SHTN1: variants seen among roughly 807,000 people sequenced by gnomAD.
SHTN1 encodes shootin 1.
A neutral mutation model predicts 83.1 loss-of-function variants in SHTN1; 42 were observed. The observed-to-expected ratio is 0.51, with a 90% CI of 0.39 to 0.65. SHTN1 has a LOEUF of 0.65. SHTN1 is among the 30% of genes least tolerant of loss of function. The pLI, the probability that SHTN1 is intolerant of heterozygous loss-of-function variation, is 0.00. For synonymous variants in SHTN1, 224 were observed against 247.7 expected (o/e 0.90, Z 0.90); for missense variants, 622 against 737.8 (o/e 0.84, Z 1.82).
At chr10:116,986,716 CTTTTTTTTTTT>C (rs869306412) in intron 1 of SHTN1, among the ~76,000 whole-genome samples, 1 of 75,884 alleles carries the variant, frequency 1.3e-5, no homozygotes, top group African/African-American at 5.4e-5. Context: ...ACCCAGTATC[CTTTTTTTTTTT>C]TTTTTTTTTT....
Position 117,112,412 on chromosome 10 carries a change from A to G in SHTN1, c.-189+13895T>C, listed in dbSNP as rs576965979. Among the ~76,000 whole-genome samples the G allele has an allele frequency of 2.0e-5, 3 of 152,112 alleles. No individual in the cohort carries two copies. The South Asian group carries it at 6.2e-4, about 32-fold the overall frequency. On this transcript the variant is annotated intron_variant, in intron 1 of 17. Coordinates refer to the SHTN1 transcript ENST00000392901. ...TCACATATTAAAGCCTTTTCCTCCC[A>G]CCACCAATAGAGGGCCTGGCCTGCT...
At chr10:117,033,950 G>A (rs1291351100) in intron 2 of SHTN1, among the ~76,000 whole-genome samples, 1 of 152,100 alleles carries the variant, frequency 6.6e-6, no homozygotes, top group Admixed American at 6.5e-5. Flanking sequence ...AATTGATGCT[G>A]AAAAAGCATT....
At chr10:116,922,403 A>T (rs906699433) in intron 11 of SHTN1, among the ~76,000 whole-genome samples, 2 of 151,998 alleles carry the variant, frequency 1.3e-5, no homozygotes, top group Non-Finnish European at 2.9e-5. Context: ...AACTCTTTGT[A>T]ATTATCTAGT....
chr10:116,960,381 C>T, intron 3 of SHTN1, 151 bp from the exon 4 acceptor site: 1 of 507,938 alleles, frequency 2.0e-6, no homozygotes, highest in South Asian at 3.7e-5. Context: ...AGAAGCTGCC[C>T]TGATTAAATC....
At chr10:116,919,102 A>T (rs1434497954) in intron 12 of SHTN1, among the ~76,000 whole-genome samples, 1 of 152,252 alleles carries the variant, frequency 6.6e-6, no homozygotes, top group Non-Finnish European at 1.5e-5. Flanking sequence ...CTAAGAAAGA[A>T]AACACAGTGA....
At chr10:117,092,264 G>A (rs1853441560) in intron 1 of SHTN1, among the ~76,000 whole-genome samples, 1 of 152,146 alleles carries the variant, frequency 6.6e-6, no homozygotes, top group African/African-American at 2.4e-5. Context: ...AACATAATAG[G>A]TTAGGTTATA....
chr10:117,084,898 C>T (rs1033111774), intron 1 of SHTN1, among the ~76,000 whole-genome samples: 10 of 152,018 alleles, frequency 6.6e-5, no homozygotes, highest in East Asian at 1.9e-4. Context: ...CTTCGGCTCG[C>T]GCACGGTGCG....
chr10:117,088,440 T>G (rs541306678), intron 1 of SHTN1, among the ~76,000 whole-genome samples: 1 of 152,194 alleles, frequency 6.6e-6, no homozygotes, highest in Non-Finnish European at 1.5e-5. Context: ...TCCATTTCCC[T>G]TTAAGGACAT....
At chr10:117,117,604 A>G (rs1853866533) in intron 1 of SHTN1, among the ~76,000 whole-genome samples, 1 of 152,218 alleles carries the variant, frequency 6.6e-6, no homozygotes, top group African/African-American at 2.4e-5. Context: ...AGCAAAAAGA[A>G]CAATACTGGA....
intron 8 of SHTN1, among the ~76,000 whole-genome samples, chr10:116,942,215 AT>A (rs71013625): frequency 0.6 from 87,188 of 145,410 alleles, 27,968 homozygotes; most frequent in Middle Eastern, 0.74. Context: ...GATTACAGTA[AT>A]TTTTTTTTTT....
intron 3 of SHTN1, among the ~76,000 whole-genome samples, chr10:116,966,463 A>T (rs1169473727): frequency 6.6e-6 from 1 of 152,234 alleles, no homozygotes; most frequent in Non-Finnish European, 1.5e-5. Context: ...GGTAAAAACT[A>T]AATGCATACA....
chr10:117,075,310 T>C (rs1376948003), intron 1 of SHTN1, among the ~76,000 whole-genome samples: 1 of 152,216 alleles, frequency 6.6e-6, no homozygotes, highest in East Asian at 1.9e-4. Context: ...TTTTGTCTCT[T>C]GGATCTTACA....
At chr10:116,945,069 A>G (rs1849527922) in intron 7 of SHTN1, 51 bp from the exon 8 acceptor site, 1 of 1,049,744 alleles carries the variant, frequency 9.5e-7, no homozygotes, top group African/African-American at 1.6e-5. Flanking sequence ...CACACAAATA[A>G]TCAGGAATAT....
intron 1 of SHTN1, among the ~76,000 whole-genome samples, chr10:117,107,338 G>A (rs1433932100): frequency 6.6e-6 from 1 of 152,118 alleles, no homozygotes; most frequent in Non-Finnish European, 1.5e-5. Context: ...TATTTCCTCA[G>A]CAGCCTTTCC....
intron 1 of SHTN1, among the ~76,000 whole-genome samples, chr10:117,087,862 G>C (rs1261056190): frequency 6.6e-6 from 1 of 152,166 alleles, no homozygotes; most frequent in Admixed American, 6.5e-5. Flanking sequence ...CGATACTTGG[G>C]GAGGCCGAGG....
At chr10:116,888,981 C>T (rs1207627797) in intron 16 of SHTN1, among the ~76,000 whole-genome samples, 1 of 152,252 alleles carries the variant, frequency 6.6e-6, no homozygotes, top group African/African-American at 2.4e-5. Context: ...GAAGGTTTCA[C>T]CATCTTGGGC....
intron 2 of SHTN1, among the ~76,000 whole-genome samples, chr10:117,024,061 G>A (rs1421810514): frequency 2.3e-5 from 2 of 86,008 alleles, no homozygotes; most frequent in East Asian, 2.4e-4. Context: ...AAAATCATCC[G>A]GGGCCCTAAT....
intron 1 of SHTN1, among the ~76,000 whole-genome samples, chr10:116,998,178 T>C (rs1851697062): frequency 6.6e-6 from 1 of 152,208 alleles, no homozygotes; most frequent in South Asian, 2.1e-4. Flanking sequence ...CATGGGAGAT[T>C]TGTCTTTAAT....
chr10:116,971,374 A>G (rs1246665504), intron 2 of SHTN1, among the ~76,000 whole-genome samples: 1 of 152,216 alleles, frequency 6.6e-6, no homozygotes, highest in African/African-American at 2.4e-5. Context: ...TAAACAAACA[A>G]CATTTATGAT....
Sources: gnomAD v4.1 joint callset for allele counts (sites outside exome capture counted in the v4.1 genomes callset) on GRCh38, gnomAD v4.1.1 for gene constraint, MANE v1.5 for transcripts, NCBI Gene and HGNC (gene_info 2026-07-23, HGNC 2026-07-21) for gene names.